ING5: variants seen among roughly 807,000 people sequenced by gnomAD.
ING5 encodes inhibitor of growth protein 5.
Under a neutral mutation model 37.4 loss-of-function variants are expected in ING5, and 17 were observed. The ratio of observed to expected loss-of-function variants is 0.45; its 90% CI spans 0.31 to 0.68. The LOEUF (loss-of-function observed/expected upper bound fraction) is 0.68. Among genes scored for constraint, ING5 ranks in the 30% least tolerant of loss-of-function variants. ING5 has a pLI of 0.05. For synonymous variants in ING5, 123 were observed against 116.6 expected, an observed-to-expected ratio of 1.06 and a Z score of -0.36; for missense variants, 233 against 311.9, an observed-to-expected ratio of 0.75 and a Z score of 1.91.
rs979210386 is a variant in ING5 at position 241,702,078 on chromosome 2, A to T, written c.13A>T (p.Met5Leu). The T allele has an allele frequency of 3.6e-5, 50 of 1,387,996 alleles. No individual in the cohort carries two copies. The African/African-American group carries it at 6.4e-4, about 18-fold the overall frequency. The allele number at this position is 1,387,996 out of a possible 1,614,324, so 86.0% of individuals were successfully genotyped here. Residue 5 changes from methionine (M) to leucine (L), a missense_variant, in exon 1 of 8, where the codon ATG becomes TTG. By Grantham distance (15) the Met-to-Leu change is conservative. Around this residue, in one of 4 missense-constraint regions of ING5, gnomAD observed 93 missense variants for 99.7 expected, o/e 0.93. Transcript: ENST00000313552. MATAMYLEHYLDSIE... is the reference protein window; with the variant it reads MATALYLEHYLDSIE... ...GCCGCGGACGAAGATGGCGACCGCC[A>T]TGTACTTGGAGCACTATCTGGACAG...
chr2:241,721,075 T>C (rs1310443224), intron 5 of ING5: 2 of 985,492 alleles, frequency 2.0e-6, no homozygotes, highest in Non-Finnish European at 2.4e-6. Context: ...GTGGACAGAA[T>C]TGGACTCGGC....
At chr2:241,717,742 A>G (rs955231012) in intron 5 of ING5, among the ~76,000 whole-genome samples, 1 of 144,422 alleles carries the variant, frequency 6.9e-6, no homozygotes, top group African/African-American at 2.6e-5. Context: ...ACTGGCTCTT[A>G]ACAGTTTGGT....
At chr2:241,719,935 C>G in intron 5 of ING5, 1 of 1,294,752 alleles carries the variant, frequency 7.7e-7, no homozygotes, top group Non-Finnish European at 9.8e-7. Context: ...GGCTCTGGAT[C>G]TAGCTTGTGT....
intron 5 of ING5, 133 bp from the exon 6 acceptor site, chr2:241,722,806 C>A (rs1279401126): frequency 1.3e-6 from 2 of 1,508,816 alleles, no homozygotes; most frequent in East Asian, 2.3e-5. Flanking sequence ...GTACCAATTT[C>A]CCCCTTGGAA....
intron 1 of ING5, 117 bp from the exon 2 acceptor site, chr2:241,704,536 C>G (rs1398661797): frequency 6.0e-6 from 5 of 835,430 alleles, no homozygotes; most frequent in Non-Finnish European, 1.0e-5. Context: ...CCACTGCACT[C>G]CAGCCTGGGC....
intron 5 of ING5, chr2:241,722,068 A>G: frequency 1.0e-6 from 1 of 985,320 alleles, no homozygotes; most frequent in Non-Finnish European, 1.2e-6. Context: ...CTGCTGGTTG[A>G]GTCAGTATTG....
chr2:241,709,538 C>A (rs1265100461), intron 3 of ING5, among the ~76,000 whole-genome samples, 156 bp downstream of exon 3: 3 of 146,602 alleles, frequency 2.0e-5, no homozygotes, highest in Admixed American at 7.0e-5. Flanking sequence ...GAATACACTT[C>A]ATGTAGGACC....
upstream of ING5, among the ~76,000 whole-genome samples, chr2:241,699,295 G>A (rs1215716870): frequency 6.6e-6 from 1 of 152,208 alleles, no homozygotes; most frequent in Non-Finnish European, 1.5e-5. Context: ...AAAGTGCTGG[G>A]ATTACAGGCG....
upstream of ING5, among the ~76,000 whole-genome samples, chr2:241,700,051 C>T (rs868391902): frequency 5.3e-5 from 8 of 151,980 alleles, no homozygotes; most frequent in South Asian, 2.1e-4. Context: ...GGCACGATCT[C>T]GGCTCACTGC....
exon 2 of ING5, chr2:241,690,396 G>C: frequency 2.6e-6 from 1 of 388,120 alleles, no homozygotes; most frequent in Non-Finnish European, 4.5e-6. Context: ...AGGCAGGCAG[G>C]AGCTGCTCCC....
chr2:241,705,313 C>T (rs35736498), intron 2 of ING5, among the ~76,000 whole-genome samples: 60,183 of 151,232 alleles, frequency 0.4, 12,667 homozygotes, highest in Middle Eastern at 0.5. Flanking sequence ...CTCCTCACCT[C>T]ATGATCTGCC....
At chr2:241,701,003 T>C (rs1233685572), upstream of ING5, among the ~76,000 whole-genome samples, 5 of 149,762 alleles carry the variant, frequency 3.3e-5, no homozygotes, top group Admixed American at 3.4e-4. Flanking sequence ...AGACAGAGTC[T>C]TGCTCTGTCG....
At chr2:241,718,957 A>C (rs1050797539) in intron 5 of ING5, among the ~76,000 whole-genome samples, 1 of 152,142 alleles carries the variant, frequency 6.6e-6, no homozygotes, top group African/African-American at 2.4e-5. Flanking sequence ...CTGACTTTAG[A>C]TATAAAGGAA....
chr2:241,694,474 G>A (rs1162556231), intron 2 of ING5, among the ~76,000 whole-genome samples: 3 of 151,784 alleles, frequency 2.0e-5, no homozygotes, highest in African/African-American at 7.3e-5. Context: ...AGATATAAAG[G>A]AGAAAAGGAC....
At position 241,722,989 on chromosome 2, in the gene ING5, A is replaced by C. The variant is rs762021059; in HGVS notation, c.533A>C (p.Asp178Ala). Residue 178 changes from aspartate (D) to alanine (A), a missense_variant, in exon 6 of 8, where the codon GAC becomes GCC. By Grantham distance (126) the Asp-to-Ala change is moderately radical. Around this residue, in one of 4 missense-constraint regions of ING5, gnomAD observed 45 missense variants for 98.2 expected, o/e 0.46. Transcript: ENST00000313552. ...ILSVHPSDVL[D>A]MPVDPNEPTY... is the part of the protein sequence containing the mutation. The stretch of plus-strand genomic sequence containing the variant: ...TCCGTGCACCCCTCTGATGTGCTGG[A>C]CATGCCCGTGGACCCAAACGAACCC... 6.2e-7 allele frequency: 1 copy of C among 1,614,136 alleles called. No individual in the cohort carries two copies. The highest frequency in any genetic ancestry group is 8.5e-7 in the Non-Finnish European group (1 of 1,180,024).
chr2:241,695,633 C>CT (rs2069619654), intron 2 of ING5, among the ~76,000 whole-genome samples: 1 of 152,130 alleles, frequency 6.6e-6, no homozygotes, highest in African/African-American at 2.4e-5. Context: ...TTGCAGTGAG[C>CT]TGAGATCGCG....
intron 3 of ING5, among the ~76,000 whole-genome samples, chr2:241,709,795 C>T (rs1224109012): frequency 6.6e-6 from 1 of 151,566 alleles, no homozygotes; most frequent in Middle Eastern, 3.2e-3. Context: ...TTAGAAGAGA[C>T]GGGGTTTCAC....
exon 1 of ING5, chr2:241,687,973 A>T (rs2069475454): frequency 6.6e-6 from 1 of 152,172 alleles, no homozygotes; most frequent in African/African-American, 2.4e-5. Context: ...GAGGTGGAAA[A>T]AGTCCCGCGA....
intron 5 of ING5, among the ~76,000 whole-genome samples, chr2:241,713,715 G>A (rs1023104303): frequency 2.6e-5 from 4 of 151,606 alleles, no homozygotes; most frequent in African/African-American, 9.7e-5. Flanking sequence ...TTGGCCGGGC[G>A]AGGTGGCTCA....
Sources: allele counts gnomAD v4.1 joint callset (sites outside exome capture counted in the v4.1 genomes callset), GRCh38; gene constraint gnomAD v4.1.1; regional missense constraint gnomAD v4.1.1; transcripts MANE v1.5; gene names NCBI Gene and HGNC (gene_info 2026-07-23, HGNC 2026-07-21).